TCEA1: variants seen among roughly 807,000 people sequenced by gnomAD.
TCEA1 encodes transcription elongation factor A protein 1.
TCEA1 carries 21 observed loss-of-function variants against 43.8 expected under a neutral mutation model. The observed-to-expected ratio is 0.48, with a 90% CI of 0.34 to 0.69. TCEA1 has a LOEUF of 0.69. Among genes scored for constraint, TCEA1 ranks in the 30% least tolerant of loss-of-function variants. TCEA1 has a pLI of 0.01. For missense variants in TCEA1, 250 were observed against 365.1 expected (o/e 0.68, Z 2.57); for synonymous variants, 104 against 117.5 (o/e 0.88, Z 0.75).
rs916787981 is a variant in TCEA1, at chr8:53,966,772, A to T, written c.*1332T>A. 7.5e-4 allele frequency: 151 copies of T among 202,234 alleles called. 1 individual carries two copies. The highest frequency in any genetic ancestry group is 3.2e-3 in the African/African-American group (141 of 43,726). 12.5% of individuals were successfully genotyped at this position (202,234 alleles called of 1,614,324 possible). ...TTAAAAATGCTGCTTTCTGTATTACAACAAAATGATATGCAATAAGAAATT... is the reference window on the plus strand; with the variant it reads ...TTAAAAATGCTGCTTTCTGTATTACTACAAAATGATATGCAATAAGAAATT... On this transcript the variant is annotated 3_prime_UTR_variant, in exon 10 of 10. Coordinates refer to ENST00000521604, the MANE Select transcript of TCEA1 (RefSeq NM_006756.4).
intron 1 of TCEA1, among the ~76,000 whole-genome samples, chr8:54,014,347 G>C (rs1202813468): frequency 6.6e-6 from 1 of 152,072 alleles, no homozygotes. Flanking sequence ...CAATGGCTCA[G>C]CCTGTAATCC....
chr8:53,968,751 C>A (rs1309117758), intron 9 of TCEA1, among the ~76,000 whole-genome samples: 1 of 151,970 alleles, frequency 6.6e-6, no homozygotes, highest in Non-Finnish European at 1.5e-5. Flanking sequence ...ATCTCTTGAA[C>A]CCGGGGCCAC....
chr8:53,969,553 T>G (rs1803096142), intron 9 of TCEA1, among the ~76,000 whole-genome samples: 1 of 152,152 alleles, frequency 6.6e-6, no homozygotes, highest in African/African-American at 2.4e-5. Context: ...TAGCCAGCAT[T>G]TTTAGAACAC....
intron 7 of TCEA1, among the ~76,000 whole-genome samples, chr8:53,982,636 A>AAAG (rs1803548617): frequency 6.6e-6 from 1 of 151,102 alleles, no homozygotes; most frequent in Admixed American, 6.6e-5. Context: ...AAAAAAAAAA[A>AAAG]ATGAAAGTAA....
intron 8 of TCEA1, among the ~76,000 whole-genome samples, chr8:53,976,135 T>C (rs927218896): frequency 9.9e-5 from 15 of 152,154 alleles, no homozygotes; most frequent in African/African-American, 3.6e-4. Context: ...ATACTAATAA[T>C]GTTGCAGTTA....
At chr8:54,009,611 C>G (rs1476202649) in intron 2 of TCEA1, among the ~76,000 whole-genome samples, 1 of 152,096 alleles carries the variant, frequency 6.6e-6, no homozygotes, top group Non-Finnish European at 1.5e-5. Flanking sequence ...AGAGCTAAAA[C>G]AGTGAGCCTC....
intron 7 of TCEA1, among the ~76,000 whole-genome samples, chr8:53,979,725 T>C (rs1327617160): frequency 6.6e-6 from 1 of 152,222 alleles, no homozygotes; most frequent in Non-Finnish European, 1.5e-5. Flanking sequence ...TCAGGAGTCA[T>C]GTGGCCAGAG....
At chr8:53,973,946 G>GAGGCA in intron 8 of TCEA1, 1 of 195,042 alleles carries the variant, frequency 5.1e-6, no homozygotes, top group Non-Finnish European at 1.0e-5. Flanking sequence ...AGGCCAAGAT[G>GAGGCA]GGTGGATCAC....
chr8:53,982,331 G>C (rs1181787143), intron 7 of TCEA1, among the ~76,000 whole-genome samples: 1 of 152,162 alleles, frequency 6.6e-6, no homozygotes, highest in Non-Finnish European at 1.5e-5. Flanking sequence ...AGAGGGGCCA[G>C]GCACGGTGGC....
rs1411259332 is a variant in TCEA1 at position 53,968,011 on chromosome 8, G to T, written c.*93C>A. The T allele has an allele frequency of 1.2e-5, 14 of 1,195,358 alleles. No individual in the cohort carries two copies. Among genetic ancestry groups the T allele is most frequent in the East Asian group, 2.6e-5 (1 of 38,756 alleles). The allele number at this position is 1,195,358 out of a possible 1,614,324, so 74.0% of individuals were successfully genotyped here. ...CTAACCCAAGTTGCTTTAAAAATTTGATTTGCAGGAAAACTAGTTGCTTGG... is the reference window on the plus strand; with the variant it reads ...CTAACCCAAGTTGCTTTAAAAATTTTATTTGCAGGAAAACTAGTTGCTTGG... On this transcript the variant is annotated 3_prime_UTR_variant, in exon 10 of 10. Coordinates refer to ENST00000521604, the MANE Select transcript of TCEA1 (RefSeq NM_006756.4).
chr8:53,973,845 A>G (rs1304480022), intron 8 of TCEA1: 1 of 371,130 alleles, frequency 2.7e-6, no homozygotes, highest in Non-Finnish European at 5.2e-6. Context: ...AGCCTGGCAA[A>G]GAGAACAGAA....
chr8:53,979,339 C>T (rs1230132929), intron 7 of TCEA1, among the ~76,000 whole-genome samples, 168 bp from the exon 8 acceptor site: 3 of 152,040 alleles, frequency 2.0e-5, no homozygotes, highest in Non-Finnish European at 2.9e-5. Flanking sequence ...AGTTTAATTC[C>T]TTTTAAAAAT....
At chr8:53,991,202 G>C (rs1316771878) in intron 4 of TCEA1, among the ~76,000 whole-genome samples, 1 of 151,946 alleles carries the variant, frequency 6.6e-6, no homozygotes, top group Non-Finnish European at 1.5e-5. Context: ...AGACCAGCCT[G>C]GTCAACATGA....
intron 1 of TCEA1, among the ~76,000 whole-genome samples, chr8:54,012,055 A>G (rs945503853): frequency 6.6e-6 from 1 of 152,240 alleles, no homozygotes; most frequent in African/African-American, 2.4e-5. Context: ...CTTAAAACGT[A>G]TTATTAAACA....
In TCEA1 at chr8:53,991,420, C is replaced by A. The variant is rs189085129; in HGVS notation, c.320+2248G>T. ...AAAAAAAAATAAAAACAAGGCTGGG[C>A]GCGGTGGCTCAGGCCTGTAATCCTA... On this transcript the variant is annotated intron_variant, in intron 4 of 9. Transcript: ENST00000521604. Among the ~76,000 whole-genome samples the A allele has an allele frequency of 3.1e-3, 462 of 150,408 alleles. 3 individuals are homozygous for A. Among genetic ancestry groups the A allele is most frequent in the Middle Eastern group, 7.2e-3 (2 of 276 alleles).
At chr8:53,990,307 G>A (rs1040574497) in intron 4 of TCEA1, among the ~76,000 whole-genome samples, 7 of 151,222 alleles carry the variant, frequency 4.6e-5, no homozygotes, top group African/African-American at 9.7e-5. Context: ...ATTCCGCCTC[G>A]GCGTCCTAAA....
At chr8:53,991,560 G>T (rs371593420) in intron 4 of TCEA1, among the ~76,000 whole-genome samples, 10 of 151,908 alleles carry the variant, frequency 6.6e-5, no homozygotes, top group African/African-American at 2.4e-4. Flanking sequence ...CAGGCATGGT[G>T]GCACATGCCT....
intron 1 of TCEA1, among the ~76,000 whole-genome samples, chr8:54,021,288 C>T (rs1211171011): frequency 6.6e-6 from 1 of 152,192 alleles, no homozygotes; most frequent in Non-Finnish European, 1.5e-5. Context: ...ATGAGGATTT[C>T]TTACAAACCA....
chr8:54,011,039 G>T (rs1286520793), intron 1 of TCEA1, among the ~76,000 whole-genome samples: 1 of 152,160 alleles, frequency 6.6e-6, no homozygotes, highest in Non-Finnish European at 1.5e-5. Flanking sequence ...CTGATCTCAG[G>T]TGATCTGCCT....
Sources: allele counts gnomAD v4.1 joint callset (sites outside exome capture counted in the v4.1 genomes callset), GRCh38; gene constraint gnomAD v4.1.1; transcripts MANE v1.5; gene names NCBI Gene and HGNC (gene_info 2026-07-23, HGNC 2026-07-21).